Variants in PDE1C observed in about 807,000 individuals in gnomAD.
PDE1C encodes phosphodiesterase 1C.
PDE1C carries 62 observed loss-of-function variants against 93.1 expected under a neutral mutation model. That is an observed-to-expected ratio of 0.67 (90% CI 0.54 to 0.82). The LOEUF is 0.82. PDE1C is among the 40% of genes least tolerant of loss of function. PDE1C has a pLI of 0.00. For missense variants in PDE1C, 742 were observed against 884.6 expected (o/e 0.84, Z 2.04); for synonymous variants, 325 against 310.1 (o/e 1.05, Z -0.50).
intron 1 of PDE1C, among the ~76,000 whole-genome samples, chr7:32,415,058 A>G (rs78013123): frequency 1.9e-3 from 297 of 152,318 alleles, no homozygotes; most frequent in African/African-American, 7.0e-3. Context: ...GGCCAGGCCC[A>G]GTGGCTCATG....
At chr7:31,785,578 T>C (rs940426178) in intron 16 of PDE1C, 1 of 152,220 alleles carries the variant, frequency 6.6e-6, no homozygotes, top group Middle Eastern at 3.2e-3. Context: ...CAATCGTTCC[T>C]TGTTTAATAT....
At chr7:31,803,864 G>A (rs1786425831) in intron 16 of PDE1C, among the ~76,000 whole-genome samples, 2 of 151,972 alleles carry the variant, frequency 1.3e-5, no homozygotes, top group South Asian at 4.1e-4. Flanking sequence ...ACATTCGTGA[G>A]CGTGTGTCTT....
intron 2 of PDE1C, among the ~76,000 whole-genome samples, chr7:32,203,951 T>G (rs971641818): frequency 2.0e-5 from 3 of 152,336 alleles, no homozygotes; most frequent in East Asian, 1.9e-4. Context: ...TCAAGAACTT[T>G]CACCTTTTCA....
chr7:32,354,393 A>G (rs1426763178), intron 1 of PDE1C, among the ~76,000 whole-genome samples: 2 of 152,178 alleles, frequency 1.3e-5, no homozygotes, highest in African/African-American at 4.8e-5. Flanking sequence ...TCAGGAAGTC[A>G]AAGCAAGAGA....
At chr7:31,763,840 A>G (rs1002933280) in intron 17 of PDE1C, among the ~76,000 whole-genome samples, 8 of 152,182 alleles carry the variant, frequency 5.3e-5, no homozygotes, top group African/African-American at 1.9e-4. Context: ...GGGTTTTATT[A>G]CATGAAAGAT....
the PDE1C span, among the ~76,000 whole-genome samples, chr7:31,676,818 A>G: frequency 6.6e-6 from 1 of 152,338 alleles, no homozygotes; most frequent in South Asian, 2.1e-4. Flanking sequence ...TGAAAGAAAA[A>G]AAAAGTCATG....
chr7:31,784,533 G>A (rs891075680), intron 16 of PDE1C: 1 of 151,870 alleles, frequency 6.6e-6, no homozygotes, highest in African/African-American at 2.4e-5. Flanking sequence ...GTGTTTGTAC[G>A]TGCTAAAATG....
rs145850121 is a variant in PDE1C, at chr7:32,180,712, G to A, written c.137-10756C>T. 2.0e-4 allele frequency among the ~76,000 whole-genome samples: 31 copies of A among 152,298 alleles called. No homozygotes were observed. In the East Asian group the frequency reaches 2.7e-3, roughly 13 times the overall value. ...ATTTTATTATAGCAACACAAATGGC[G>A]TAAGACACTTGGCAGATATAAGTGC... On this transcript the variant is annotated intron_variant, in intron 2 of 18. Transcript: ENST00000396193.
At chr7:32,149,618 T>G (rs1801114633) in intron 3 of PDE1C, among the ~76,000 whole-genome samples, 1 of 152,338 alleles carries the variant, frequency 6.6e-6, no homozygotes, top group Non-Finnish European at 1.5e-5. Flanking sequence ...TTATAATTTT[T>G]TTATATTTGT....
At chr7:32,147,619 G>C (rs1800972699) in intron 3 of PDE1C, among the ~76,000 whole-genome samples, 1 of 152,106 alleles carries the variant, frequency 6.6e-6, no homozygotes, top group Admixed American at 6.6e-5. Context: ...TCTCAGTTGG[G>C]TCACTATTGG....
At chr7:32,366,855 A>G (rs1357740223) in intron 1 of PDE1C, among the ~76,000 whole-genome samples, 1 of 87,922 alleles carries the variant, frequency 1.1e-5, no homozygotes, top group Admixed American at 1.4e-4. Context: ...AAACCCCGTC[A>G]CTACTAAAAA....
chr7:32,079,629 G>T (rs953966724), intron 3 of PDE1C, among the ~76,000 whole-genome samples: 3 of 152,190 alleles, frequency 2.0e-5, no homozygotes, highest in African/African-American at 7.2e-5. Context: ...CTTTGGCAGG[G>T]ACAGCTGGAA....
At chr7:32,157,534 A>G (rs113531268) in intron 3 of PDE1C, among the ~76,000 whole-genome samples, 15,278 of 61,954 alleles carry the variant, frequency 0.25, 1,212 homozygotes, top group South Asian at 0.44. Flanking sequence ...GTGTGCTTCC[A>G]GAGTGGAGCC....
In PDE1C at chr7:31,811,287, G is replaced by A. The variant is rs147183648; in HGVS notation, c.1814-2179C>T. ...ATGATTGTGAAGCCTCCCCAGCCAC[G>A]TGGAACTGTGAGTCCATTAAGCTTC... On this transcript the variant is annotated intron_variant, in intron 15 of 17. Transcript: ENST00000396191. Among the ~76,000 whole-genome samples the A allele has an allele frequency of 5.9e-3, 902 of 152,152 alleles. 6 individuals carry two copies. Among genetic ancestry groups the A allele is most frequent in the African/African-American group, 0.021 (858 of 41,542 alleles).
chr7:32,267,582 ACACACTCTCTCT>A (rs766458978), intron 1 of PDE1C, among the ~76,000 whole-genome samples: 2 of 70,492 alleles, frequency 2.8e-5, no homozygotes, highest in African/African-American at 4.6e-5. Context: ...TCACACACAC[ACACACTCTCTCT>A]CTCTCTCTCT....
chr7:32,071,156 C>T, upstream of PDE1C: 1 of 985,338 alleles, frequency 1.0e-6, no homozygotes. Context: ...CGCAGGGCAG[C>T]CGCGGCCACC....
chr7:32,301,246 T>C (rs1374009566), upstream of PDE1C, among the ~76,000 whole-genome samples: 1 of 152,170 alleles, frequency 6.6e-6, no homozygotes, highest in Non-Finnish European at 1.5e-5. Flanking sequence ...CATGTCTTTT[T>C]TGTGCCAAAA....
chr7:31,845,321 G>T (rs1279086221), intron 9 of PDE1C, among the ~76,000 whole-genome samples: 1 of 152,114 alleles, frequency 6.6e-6, no homozygotes, highest in Non-Finnish European at 1.5e-5. Context: ...ATCTTTATAT[G>T]TCACTTAGAT....
chr7:31,964,832 T>C (rs1373708732), intron 2 of PDE1C, among the ~76,000 whole-genome samples: 3 of 152,204 alleles, frequency 2.0e-5, no homozygotes, highest in African/African-American at 7.2e-5. Flanking sequence ...CCGTTGCTGA[T>C]ACCCAGGCAA....
Sources: allele counts gnomAD v4.1 joint callset (sites outside exome capture counted in the v4.1 genomes callset), GRCh38; gene constraint gnomAD v4.1.1; transcripts MANE v1.5; gene names NCBI Gene and HGNC (gene_info 2026-07-23, HGNC 2026-07-21).